Variants in DCAF4 observed in about 807,000 individuals in gnomAD.
DCAF4 encodes the protein DDB1- and CUL4-associated factor 4.
A neutral mutation model predicts 60.9 loss-of-function variants in DCAF4; 37 were observed. That is an observed-to-expected ratio of 0.61 (90% CI 0.47 to 0.80). The LOEUF (loss-of-function observed/expected upper bound fraction) is 0.80, where lower values mean the gene tolerates loss of function less well. DCAF4 is among the 30% of genes least tolerant of loss of function. DCAF4 has a pLI of 0.00. For synonymous variants in DCAF4, 243 were observed against 254.8 expected (o/e 0.95, Z 0.44); for missense variants, 577 against 650.0 (o/e 0.89, Z 1.22).
At chr14:72,948,327 G>A (rs1361268769) in intron 8 of DCAF4, among the ~76,000 whole-genome samples, 1 of 152,092 alleles carries the variant, frequency 6.6e-6, no homozygotes, top group Non-Finnish European at 1.5e-5. Flanking sequence ...CACTGGGACT[G>A]TAGGTATGCA....
chr14:72,951,683 G>A (rs1287353283), intron 8 of DCAF4, 115 bp from the exon 9 acceptor site: 7 of 867,734 alleles, frequency 8.1e-6, no homozygotes, highest in South Asian at 1.4e-5. Context: ...GAATCTGGAC[G>A]GTGGGGGTTA....
chr14:72,939,823 G>A lies in DCAF4; in HGVS notation c.114G>A (p.Gln38=). The A allele has an allele frequency of 1.9e-6, 3 of 1,612,920 alleles. No individual in the cohort carries two copies. Among genetic ancestry groups the A allele is most frequent in the South Asian group, 2.2e-5 (2 of 90,748 alleles). ...ACAGGTCTGACTCCCGGGCAGCACA[G>A]CCCGCTCACGATTCCGGCCACGGTG... ...SEDRSDSRAA[Q]PAHDSGHGDD... Residue 38 remains glutamine (Q), a synonymous_variant, in exon 3 of 14, where the codon CAG becomes CAA. Transcript: ENST00000358377.
At chr14:72,935,326 C>A (rs1889115511) in intron 1 of DCAF4, 1 of 151,790 alleles carries the variant, frequency 6.6e-6, no homozygotes, top group South Asian at 2.1e-4. Flanking sequence ...GCAATCTCAG[C>A]TCACTGCAAC....
At chr14:72,946,240 A>AAAAT (rs1890727871) in intron 7 of DCAF4, among the ~76,000 whole-genome samples, 1 of 151,846 alleles carries the variant, frequency 6.6e-6, no homozygotes, top group Non-Finnish European at 1.5e-5. Context: ...AAAAAAAAAA[A>AAAAT]AAAAATTATT....
At position 72,956,473 on chromosome 14, in the gene DCAF4, C is replaced by T; in HGVS notation, c.1267C>T (p.His423Tyr). ...NEYAYLPLHV[H>Y]EEEGILVAVG... ...GTACGCCTACCTGCCCCTGCATGTG[C>T]ACGAGGAAGAAGGAATCCTGGTGGC... The change falls in exon 13 of 14, where the codon CAC (histidine) becomes TAC (tyrosine). Residue 423 changes from histidine (H) to tyrosine (Y), a missense_variant. Coordinates refer to ENST00000358377, the MANE Select transcript of DCAF4 (RefSeq NM_015604.4). 1 of 1,613,232 alleles carries T rather than the reference C, an allele frequency of 6.2e-7. No individual in the cohort carries two copies.
downstream of DCAF4, among the ~76,000 whole-genome samples, chr14:72,961,422 A>C (rs528092555): frequency 1.7e-4 from 26 of 152,302 alleles, no homozygotes; most frequent in African/African-American, 5.8e-4. Flanking sequence ...CAACTCCACC[A>C]TCCTGGGCCA....
intron 13 of DCAF4, chr14:72,956,940 C>A: frequency 4.7e-6 from 1 of 212,020 alleles, no homozygotes; most frequent in South Asian, 6.8e-5. Context: ...CGGCCCGGCG[C>A]GGTGGCTCAC....
chr14:72,931,603 C>T (rs1455030865), intron 1 of DCAF4, among the ~76,000 whole-genome samples: 2 of 152,266 alleles, frequency 1.3e-5, no homozygotes, highest in South Asian at 2.1e-4. Context: ...TGTCTTATTC[C>T]TGACCATAGA....
chr14:72,958,664 G>A lies in DCAF4; in HGVS notation c.1347G>A (p.Leu449=), dbSNP rs1272212427. Residue 449 remains leucine (L), a synonymous_variant, in exon 14 of 14, where the codon CTG becomes CTA. Transcript: ENST00000358377. Reference sequence around the variant, plus strand: ...GGAGCCTCCACGATGCCCGCCTACTGAGAACCATACCCTCCCCGTACCCTG... The same window carrying A: ...GGAGCCTCCACGATGCCCGCCTACTAAGAACCATACCCTCCCCGTACCCTG... ...RIWSLHDARL[L]RTIPSPYPAS... The A allele has an allele frequency of 6.2e-7, 1 of 1,614,068 alleles. No individual in the cohort carries two copies. Among genetic ancestry groups the A allele is most frequent in the Non-Finnish European group, 8.5e-7 (1 of 1,180,028 alleles).
chr14:72,960,297 G>A (rs539511115), downstream of DCAF4, among the ~76,000 whole-genome samples: 3 of 152,062 alleles, frequency 2.0e-5, no homozygotes, highest in South Asian at 2.1e-4. Flanking sequence ...TTATAGGCGC[G>A]TGCCACCACG....
intron 4 of DCAF4, 66 bp downstream of exon 4, chr14:72,940,443 G>T: frequency 6.6e-7 from 1 of 1,515,084 alleles, no homozygotes; most frequent in South Asian, 1.3e-5. Flanking sequence ...ATCCACTGTT[G>T]AAAAGGGTGC....
intron 1 of DCAF4, among the ~76,000 whole-genome samples, chr14:72,928,043 C>T (rs1225072646): frequency 6.6e-6 from 1 of 151,920 alleles, no homozygotes; most frequent in African/African-American, 2.4e-5. Flanking sequence ...TCAAGCTATC[C>T]TCCCACCTCA....
chr14:72,936,907 GAT>G (rs1419712369), intron 1 of DCAF4, among the ~76,000 whole-genome samples: 1 of 152,188 alleles, frequency 6.6e-6, no homozygotes, highest in African/African-American at 2.4e-5. Context: ...CCAAGAGAAA[GAT>G]ATTACAGAAG....
chr14:72,947,219 G>C, intron 8 of DCAF4, 28 bp downstream of exon 8: 14 of 1,613,696 alleles, frequency 8.7e-6, no homozygotes, highest in Non-Finnish European at 1.2e-5. Context: ...AAGAGGTTTG[G>C]TGGGCAGGCC....
chr14:72,946,440 G>A (rs999025331), intron 7 of DCAF4, among the ~76,000 whole-genome samples: 1 of 152,040 alleles, frequency 6.6e-6, no homozygotes, highest in Non-Finnish European at 1.5e-5. Flanking sequence ...GAACCCATAG[G>A]GAAAGAAAAG....
At chr14:72,947,692 G>A (rs910060721) in intron 8 of DCAF4, among the ~76,000 whole-genome samples, 3 of 152,200 alleles carry the variant, frequency 2.0e-5, no homozygotes, top group Admixed American at 6.5e-5. Flanking sequence ...AGGAGAGCAG[G>A]GTCCTCCTAG....
chr14:72,958,796 C>G lies in DCAF4; in HGVS notation c.1479C>G (p.Ser493=). ...TCGGGCAGGACCTTTACTGTTACTCCTACAGCTAATTCTGCAGGGCACAGC... is the reference window on the plus strand; with the variant it reads ...TCGGGCAGGACCTTTACTGTTACTCGTACAGCTAATTCTGCAGGGCACAGC... ...MAVGQDLYCY[S]YS The change falls in exon 14 of 14, where the codon TCC becomes TCG. Residue 493 remains serine (S), a synonymous_variant. Coordinates refer to ENST00000358377, the MANE Select transcript of DCAF4 (RefSeq NM_015604.4). The G allele has an allele frequency of 6.4e-7, 1 of 1,562,620 alleles. No individual in the cohort carries two copies. Among genetic ancestry groups the G allele is most frequent in the Non-Finnish European group, 8.6e-7 (1 of 1,156,900 alleles).
chr14:72,955,847 C>T (rs1038035874), intron 12 of DCAF4, 151 bp downstream of exon 12: 7 of 678,842 alleles, frequency 1.0e-5, no homozygotes, highest in Admixed American at 2.7e-5. Flanking sequence ...TGCATGGGGA[C>T]TGCTTCGTTG....
chr14:72,938,163 C>A (rs925930584), intron 2 of DCAF4, 93 bp downstream of exon 2: 2 of 1,460,888 alleles, frequency 1.4e-6, no homozygotes, highest in Non-Finnish European at 1.8e-6. Flanking sequence ...TGGAGATCAC[C>A]TGGGGGCTCG....
Sources: allele counts gnomAD v4.1 joint callset (sites outside exome capture counted in the v4.1 genomes callset), GRCh38; gene constraint gnomAD v4.1.1; transcripts MANE v1.5; gene names NCBI Gene and HGNC (gene_info 2026-07-23, HGNC 2026-07-21).